BAZ2A: variants seen among roughly 807,000 people sequenced by gnomAD.
BAZ2A encodes the protein bromodomain adjacent to zinc finger domain protein 2A.
In BAZ2A, 34 loss-of-function variants were observed where a neutral mutation model predicts 199.9. The ratio of observed to expected loss-of-function variants is 0.17; its 90% CI spans 0.13 to 0.23. The LOEUF is 0.23. BAZ2A is among the 10% of genes least tolerant of loss of function. The pLI, the probability that BAZ2A is intolerant of heterozygous loss-of-function variation, is 1.00. For synonymous variants in BAZ2A, 857 were observed against 883.9 expected (o/e 0.97, Z 0.54); for missense variants, 2,002 against 2,391.1 (o/e 0.84, Z 3.39).
intron 14 of BAZ2A, 130 bp downstream of exon 14, chr12:56,604,943 A>T: frequency 2.2e-6 from 3 of 1,389,380 alleles, no homozygotes; most frequent in Non-Finnish European, 2.9e-6. Context: ...AAAGGAAAAA[A>T]TAAAGAAAAA....
chr12:56,630,342 G>T (rs866936147), upstream of BAZ2A: 142 of 953,824 alleles, frequency 1.5e-4, no homozygotes, highest in Middle Eastern at 4.3e-3. Context: ...GGAGCCGGAG[G>T]GGGCGGAGAA....
intron 2 of BAZ2A, among the ~76,000 whole-genome samples, chr12:56,616,178 G>A (rs564475904): frequency 6.6e-6 from 1 of 152,270 alleles, no homozygotes; most frequent in East Asian, 1.9e-4. Flanking sequence ...TGGGATTACA[G>A]GCGTGAGCCA....
At chr12:56,620,939 C>T (rs1490960947) in intron 1 of BAZ2A, among the ~76,000 whole-genome samples, 2 of 152,114 alleles carry the variant, frequency 1.3e-5, no homozygotes, top group Non-Finnish European at 2.9e-5. Context: ...ATTAATAATC[C>T]TTCTTAAGTG....
Position 56,619,635 on chromosome 12 carries a change from A to G in BAZ2A, c.-2-2103T>C, listed in dbSNP as rs117482475. Among the ~76,000 whole-genome samples the G allele has an allele frequency of 1.8e-4, 28 of 152,334 alleles. No individual in the cohort carries two copies. In the East Asian group the frequency reaches 3.9e-3, roughly 21 times the overall value. ...CCATTAGTATAAATGTGAATATAACATAAGTCTGAGCATGATATATAAACC... is the reference window on the plus strand; with the variant it reads ...CCATTAGTATAAATGTGAATATAACGTAAGTCTGAGCATGATATATAAACC... On this transcript the variant is annotated intron_variant, in intron 1 of 28. Transcript: ENST00000549884.
intron 7 of BAZ2A, 116 bp from the exon 8 acceptor site, chr12:56,610,633 T>G: frequency 1.2e-6 from 1 of 825,576 alleles, no homozygotes; most frequent in South Asian, 1.6e-5. Context: ...TCTCTAGAAC[T>G]GCATGCAGAT....
At position 56,599,261 on chromosome 12, in the gene BAZ2A, C is replaced by T. The variant is rs749527991; in HGVS notation, c.5270G>A (p.Arg1757His). The change falls in exon 27 of 29, where the codon CGC becomes CAC. Residue 1757 changes from arginine to histidine, a missense_variant. Around this residue, in one of 6 missense-constraint regions of BAZ2A, gnomAD observed 122 missense variants for 123.0 expected, o/e 0.99. Coordinates refer to ENST00000549884, the MANE Select transcript of BAZ2A (RefSeq NM_001300905.2). ...YSLNFSEGDG[R>H]RRRVLLRGRE... Reference sequence around the variant, plus strand: ...GCCCCTCAACAGTACCCGGCGTCGGCGGCCATCACCCTCTGAGAAGTTCAG... The same window carrying T: ...GCCCCTCAACAGTACCCGGCGTCGGTGGCCATCACCCTCTGAGAAGTTCAG... 47 of 1,612,960 alleles carry T rather than the reference C, an allele frequency of 2.9e-5. No homozygotes were observed. Among genetic ancestry groups the T allele is most frequent in the South Asian group, 2.1e-4 (19 of 90,894 alleles).
intron 20 of BAZ2A, 64 bp from the exon 21 acceptor site, chr12:56,601,466 C>G (rs1272865237): frequency 4.5e-5 from 71 of 1,591,168 alleles, no homozygotes; most frequent in Non-Finnish European, 5.9e-5. Context: ...CCCTCAACTT[C>G]AGGCAGCAGC....
chr12:56,616,736 G>A (rs1254623735), intron 2 of BAZ2A, among the ~76,000 whole-genome samples: 1 of 152,128 alleles, frequency 6.6e-6, no homozygotes, highest in Admixed American at 6.5e-5. Context: ...CAAGAAAGGA[G>A]GGAAGCATGT....
At chr12:56,609,702 G>A (rs761406093) in intron 10 of BAZ2A, 34 bp downstream of exon 10, 8 of 1,590,020 alleles carry the variant, frequency 5.0e-6, no homozygotes, top group East Asian at 2.2e-5. Flanking sequence ...CTCATGGAGG[G>A]AGCAGAATCC....
At chr12:56,600,635 T>A in intron 23 of BAZ2A, 46 bp downstream of exon 23, 1 of 1,600,320 alleles carries the variant, frequency 6.2e-7, no homozygotes, top group Middle Eastern at 1.9e-4. Context: ...CATAAGGGAC[T>A]AATGCTTTTC....
intron 13 of BAZ2A, 64 bp downstream of exon 13, chr12:56,605,764 CCT>C: frequency 2.3e-6 from 3 of 1,317,544 alleles, no homozygotes; most frequent in Non-Finnish European, 3.1e-6. Context: ...TTGCAGAAGT[CCT>C]TTTTTTTTTT....
upstream of BAZ2A, among the ~76,000 whole-genome samples, chr12:56,632,351 C>T (rs1951335220): frequency 6.6e-6 from 1 of 152,178 alleles, no homozygotes; most frequent in South Asian, 2.1e-4. Flanking sequence ...ATCCTTTTGT[C>T]TTCCCTGCCC....
chr12:56,598,402 TC>T lies in BAZ2A; in HGVS notation c.*215del. The T allele has an allele frequency of 1.9e-6, 1 of 536,840 alleles. No homozygotes were observed. The highest frequency in any genetic ancestry group is 3.2e-6 in the Non-Finnish European group (1 of 313,774). 33.3% of individuals were successfully genotyped at this position (536,840 alleles called of 1,614,324 possible). ...TTTTGGCTTTTAGTCCAGAAGGACCTCATCTCTGCACCTCTTACTTGAGGAG... is the reference window on the plus strand; with the variant it reads ...TTTTGGCTTTTAGTCCAGAAGGACCTATCTCTGCACCTCTTACTTGAGGAG... On this transcript the variant is annotated 3_prime_UTR_variant, in exon 29 of 29. Coordinates refer to ENST00000549884, the MANE Select transcript of BAZ2A (RefSeq NM_001300905.2).
chr12:56,616,534 C>G (rs749327517), intron 2 of BAZ2A, among the ~76,000 whole-genome samples: 1 of 152,110 alleles, frequency 6.6e-6, no homozygotes, highest in East Asian at 1.9e-4. Context: ...GTAGGGGGGG[C>G]ACTTTGTGTG....
chr12:56,637,096 T>A (rs1294271820), upstream of BAZ2A, among the ~76,000 whole-genome samples: 6 of 152,214 alleles, frequency 3.9e-5, no homozygotes, highest in African/African-American at 1.4e-4. Context: ...AAGCCCCAGC[T>A]GGTCTGTAAA....
At position 56,635,743 on chromosome 12, in the gene BAZ2A, G is replaced by A. The variant is rs1317475551; in HGVS notation, c.4+439C>T. On this transcript the variant is annotated intron_variant, in intron 1 of 29. Transcript: ENST00000379441. This position sits in a 1 kb window ranked among gnomAD's most constrained non-coding sequence, Gnocchi z 4.1. The stretch of plus-strand genomic sequence containing the variant: ...CCCACCTGAAGGTGGGTCAAGGTGG[G>A]GGAGGAGAGAAGACAGACTTAAAAG... Among the ~76,000 whole-genome samples, 1 of 152,158 alleles carries A rather than the reference G, an allele frequency of 6.6e-6. No homozygotes were observed. Among genetic ancestry groups the A allele is most frequent in the Non-Finnish European group, 1.5e-5 (1 of 68,036 alleles).
At chr12:56,635,120 G>T, upstream of BAZ2A, 1 of 844,870 alleles carries the variant, frequency 1.2e-6, no homozygotes, top group Non-Finnish European at 1.4e-6. The surrounding 1 kb of genome is among the most constrained non-coding windows in gnomAD (Gnocchi z 4.1). Flanking sequence ...GAGAGCAGTC[G>T]CGAAGGATCC....
Position 56,600,014 on chromosome 12 carries a change from GGCACAA to G in BAZ2A, c.4969_4974del (p.Cys1658_Leu1659del). 6.2e-7 allele frequency: 1 copy of G among 1,614,014 alleles called. No homozygotes were observed. The highest frequency in any genetic ancestry group is 8.5e-7 in the Non-Finnish European group (1 of 1,179,896). The stretch of plus-strand genomic sequence containing the variant: ...GCAATGGACCTCTCCAGCTGGCCCA[GGCACAA>G]GCACACCTGGGCTGCGCTCCGGCAC... On this transcript the variant is annotated inframe_deletion, in exon 25 of 29. Transcript: ENST00000549884.
intron 1 of BAZ2A, chr12:56,636,057 C>T: frequency 8.2e-7 from 1 of 1,222,018 alleles, no homozygotes; most frequent in Non-Finnish European, 1.2e-6. Context: ...CCCCCGTCCC[C>T]CAGAGTCCTG....
Sources: gnomAD v4.1 joint callset for allele counts (sites outside exome capture counted in the v4.1 genomes callset) on GRCh38, gnomAD v4.1.1 for gene constraint, gnomAD v4.1.1 regional missense constraint, Gnocchi (gnomAD v3.1) non-coding constraint, MANE v1.5 for transcripts, NCBI Gene and HGNC (gene_info 2026-07-23, HGNC 2026-07-21) for gene names.